The following KLHDC10 variants were observed in gnomAD, a reference collection of about 807,000 sequenced individuals.
KLHDC10 encodes the protein kelch domain-containing protein 10.
A neutral mutation model predicts 56.1 loss-of-function variants in KLHDC10; 24 were observed. That is an observed-to-expected ratio of 0.43 (90% CI 0.31 to 0.60). The LOEUF is 0.60. Ranked by LOEUF, KLHDC10 falls within the 20% of genes least tolerant of loss-of-function variation. The pLI is 0.11. For missense variants in KLHDC10, 349 were observed against 567.0 expected, an observed-to-expected ratio of 0.62 and a Z score of 3.91; for synonymous variants, 188 against 207.1, an observed-to-expected ratio of 0.91 and a Z score of 0.79.
chr7:130,076,691 T>TA (rs1795508901), intron 1 of KLHDC10, among the ~76,000 whole-genome samples: 1 of 152,222 alleles, frequency 6.6e-6, no homozygotes, highest in African/African-American at 2.4e-5. Flanking sequence ...GCTGCCCAGT[T>TA]ATGGCAGTGT....
At chr7:130,089,238 A>C (rs1462015707) in intron 1 of KLHDC10, among the ~76,000 whole-genome samples, 1 of 152,188 alleles carries the variant, frequency 6.6e-6, no homozygotes, top group Non-Finnish European at 1.5e-5. Context: ...TCATGTCTGT[A>C]ATCTCAGGAG....
chr7:130,090,547 C>T (rs1263494888), intron 1 of KLHDC10, among the ~76,000 whole-genome samples: 5 of 151,456 alleles, frequency 3.3e-5, no homozygotes, highest in Non-Finnish European at 7.4e-5. Flanking sequence ...AAGATCATGC[C>T]ACTGCACTCT....
intron 2 of KLHDC10, among the ~76,000 whole-genome samples, chr7:130,099,269 A>G (rs1454327090): frequency 3.9e-5 from 6 of 152,024 alleles, no homozygotes; most frequent in African/African-American, 1.5e-4. Flanking sequence ...CAACTTTCAC[A>G]GGCTTAAGTC....
At chr7:130,085,417 G>A (rs1795673720) in intron 1 of KLHDC10, among the ~76,000 whole-genome samples, 1 of 151,740 alleles carries the variant, frequency 6.6e-6, no homozygotes, top group African/African-American at 2.4e-5. Flanking sequence ...GGAGAAGCAA[G>A]CAAAGGTCAG....
chr7:130,111,155 A>G (rs972029469), intron 2 of KLHDC10, among the ~76,000 whole-genome samples: 3 of 152,166 alleles, frequency 2.0e-5, no homozygotes, highest in Admixed American at 2.0e-4. Context: ...TTGGGAGGAA[A>G]AATTAGAGCC....
intron 1 of KLHDC10, among the ~76,000 whole-genome samples, chr7:130,082,685 A>G (rs982964382): frequency 1.3e-5 from 2 of 152,094 alleles, no homozygotes; most frequent in Non-Finnish European, 2.9e-5. Context: ...TGTTGTTTAT[A>G]TTTTAATTTC....
chr7:130,119,337 C>T (rs570960584), intron 3 of KLHDC10, among the ~76,000 whole-genome samples: 2 of 151,230 alleles, frequency 1.3e-5, no homozygotes, highest in Non-Finnish European at 2.9e-5. Context: ...ATAGCAAAAC[C>T]CCATCTCTAC....
Position 130,130,188 on chromosome 7 carries a change from C to T in KLHDC10, c.1120-349C>T, listed in dbSNP as rs548948918. On this transcript the variant is annotated intron_variant, in intron 9 of 9. Transcript: ENST00000335420. The surrounding 1 kb of genome is among the most constrained non-coding windows in gnomAD (Gnocchi z 4.2). Reference sequence around the variant, plus strand: ...AAAAAAAATTAGCCGGACGTGGTGGCGCGTGCCTGTATTCCCAGCTACTCT... The same window carrying T: ...AAAAAAAATTAGCCGGACGTGGTGGTGCGTGCCTGTATTCCCAGCTACTCT... Among the ~76,000 whole-genome samples, 7 of 151,822 alleles carry T rather than the reference C, an allele frequency of 4.6e-5. No homozygotes were observed. The East Asian group carries it at 9.7e-4, about 21-fold the overall frequency.
Position 130,129,540 on chromosome 7 carries a change from AG to A in KLHDC10, c.1084del (p.Glu362SerfsTer23), listed in dbSNP as rs758840967. On this transcript the variant is annotated frameshift_variant, in exon 9 of 10. Coordinates refer to ENST00000335420, the MANE Select transcript of KLHDC10 (RefSeq NM_014997.4). LOFTEE classifies it high-confidence loss of function. ...QWVKLPATMP[E>X]PVYFHCAAVT... is the part of the protein sequence containing the mutation. ...GGGTGAAGCTCCCAGCTACCATGCC[AG>A]AGCCAGTTTATTTTCACTGTGCAGC... The A allele has an allele frequency of 6.2e-7, 1 of 1,614,126 alleles. No homozygotes were observed. The highest frequency in any genetic ancestry group is 1.3e-5 in the African/African-American group (1 of 74,946).
rs1421146789 is a variant in KLHDC10 at position 130,135,018 on chromosome 7, T to TA, written c.*4273dup. The TA allele has an allele frequency of 6.6e-6, 1 of 150,790 alleles. No individual in the cohort carries two copies. Among genetic ancestry groups the TA allele is most frequent in the African/African-American group, 2.5e-5 (1 of 40,728 alleles). 9.3% of individuals were successfully genotyped at this position (150,790 alleles called of 1,614,324 possible). ...AGCGACCTCTTCTCTAGTCCGGTGTTACGAACAGAAGTTCTGAGTTGTGCT... is the reference window on the plus strand; with the variant it reads ...AGCGACCTCTTCTCTAGTCCGGTGTTAACGAACAGAAGTTCTGAGTTGTGCT... On this transcript the variant is annotated 3_prime_UTR_variant, in exon 10 of 10. Coordinates refer to ENST00000335420, the MANE Select transcript of KLHDC10 (RefSeq NM_014997.4).
chr7:130,079,707 C>T (rs756831854), intron 1 of KLHDC10, among the ~76,000 whole-genome samples: 1 of 136,692 alleles, frequency 7.3e-6, no homozygotes, highest in Non-Finnish European at 1.6e-5. Context: ...CAAAGCTTGC[C>T]TGCCTGCCTG....
intron 2 of KLHDC10, among the ~76,000 whole-genome samples, chr7:130,108,419 C>G (rs1024785115): frequency 1.3e-5 from 2 of 151,742 alleles, no homozygotes; most frequent in African/African-American, 4.8e-5. Context: ...CTCCTGTATC[C>G]TGGCCGGGCA....
intron 8 of KLHDC10, among the ~76,000 whole-genome samples, chr7:130,128,889 A>AAAAAAAAAAT: frequency 3.0e-5 from 2 of 66,958 alleles, no homozygotes; most frequent in Non-Finnish European, 5.5e-5. Context: ...AAAAAAAAAA[A>AAAAAAAAAAT]ATATATATAT....
chr7:130,116,688 C>T lies in KLHDC10; in HGVS notation c.475+22C>T, dbSNP rs1419665370. The T allele has an allele frequency of 1.3e-6, 2 of 1,570,584 alleles. No homozygotes were observed. The highest frequency in any genetic ancestry group is 1.8e-6 in the Non-Finnish European group (2 of 1,140,956). On this transcript the variant is annotated intron_variant, in intron 3 of 9. Transcript: ENST00000335420. This position sits in a 1 kb window ranked among gnomAD's most constrained non-coding sequence, Gnocchi z 4.8. ...TCACGTGAGTGCAAGCAGTTCGTAACTCCTGACTTTATGAAATGTCTGAGA... is the reference window on the plus strand; with the variant it reads ...TCACGTGAGTGCAAGCAGTTCGTAATTCCTGACTTTATGAAATGTCTGAGA...
intron 1 of KLHDC10, among the ~76,000 whole-genome samples, chr7:130,074,511 G>A (rs897266868): frequency 1.3e-5 from 2 of 151,790 alleles, no homozygotes; most frequent in Non-Finnish European, 1.5e-5. Flanking sequence ...CTAAATTAAC[G>A]CATTGGCATT....
intron 1 of KLHDC10, among the ~76,000 whole-genome samples, chr7:130,075,476 T>C (rs1795484983): frequency 6.6e-6 from 1 of 152,236 alleles, no homozygotes; most frequent in Admixed American, 6.5e-5. Flanking sequence ...CTGCCTTCCC[T>C]AGAAGCAACC....
At chr7:130,074,763 G>A (rs566243332) in intron 1 of KLHDC10, among the ~76,000 whole-genome samples, 9 of 151,926 alleles carry the variant, frequency 5.9e-5, no homozygotes, top group East Asian at 1.9e-4. Flanking sequence ...TTATAGGTGC[G>A]CGCCACTGTG....
intron 1 of KLHDC10, among the ~76,000 whole-genome samples, chr7:130,086,711 T>C (rs1354053257): frequency 6.6e-6 from 1 of 152,250 alleles, no homozygotes; most frequent in African/African-American, 2.4e-5. Context: ...AGTATTGTGT[T>C]GTGTGAATGT....
chr7:130,075,992 T>C (rs1213775458), intron 1 of KLHDC10, among the ~76,000 whole-genome samples: 1 of 152,030 alleles, frequency 6.6e-6, no homozygotes, highest in Non-Finnish European at 1.5e-5. Context: ...CCCAACCTTT[T>C]TGGCACCAGG....
Sources: gnomAD v4.1 joint callset for allele counts (sites outside exome capture counted in the v4.1 genomes callset) on GRCh38, gnomAD v4.1.1 for gene constraint, Gnocchi (gnomAD v3.1) non-coding constraint, MANE v1.5 for transcripts, NCBI Gene and HGNC (gene_info 2026-07-23, HGNC 2026-07-21) for gene names.